TTC39C: variants seen among roughly 807,000 people sequenced by gnomAD.
The protein encoded by TTC39C is tetratricopeptide repeat protein 39C.
Under a neutral mutation model 76.3 loss-of-function variants are expected in TTC39C, and 33 were observed. The observed-to-expected ratio is 0.43, with a 90% CI of 0.33 to 0.58. TTC39C has a LOEUF of 0.58. Among genes scored for constraint, TTC39C ranks in the 20% least tolerant of loss-of-function variants. The pLI is 0.04. For missense variants in TTC39C, 595 were observed against 701.4 expected (o/e 0.85, Z 1.71); for synonymous variants, 254 against 260.6 (o/e 0.97, Z 0.24).
chr18:24,130,236 C>T (rs922899966), intron 11 of TTC39C, 77 bp from the exon 12 acceptor site: 10 of 685,330 alleles, frequency 1.5e-5, no homozygotes, highest in Non-Finnish European at 2.4e-5. Context: ...CCCTTCCCGC[C>T]CCCTCTTGAA....
At chr18:24,118,870 A>G (rs2084930385) in intron 8 of TTC39C, among the ~76,000 whole-genome samples, 1 of 152,042 alleles carries the variant, frequency 6.6e-6, no homozygotes, top group Non-Finnish European at 1.5e-5. Flanking sequence ...TGCCCAGGCT[A>G]ATCTCTAACT....
chr18:24,097,131 G>C (rs2084599149), intron 6 of TTC39C, among the ~76,000 whole-genome samples: 1 of 152,200 alleles, frequency 6.6e-6, no homozygotes, highest in African/African-American at 2.4e-5. Flanking sequence ...TGGTGAAGCT[G>C]TCCGGGGTGT....
At chr18:24,069,372 G>A (rs528638162) in intron 4 of TTC39C, 101 bp downstream of exon 4, 2 of 946,994 alleles carry the variant, frequency 2.1e-6, no homozygotes, top group African/African-American at 1.6e-5. Flanking sequence ...TTGAACACAT[G>A]TGGCACCTCT....
rs920064624 is a variant in TTC39C, at chr18:24,080,871, C to G, written c.747C>G (p.Asp249Glu). 1 of 1,614,010 alleles carries G rather than the reference C, an allele frequency of 6.2e-7. No homozygotes were observed. Among genetic ancestry groups the G allele is most frequent in the African/African-American group, 1.3e-5 (1 of 74,898 alleles). The change falls in exon 5 of 14, where the codon GAC becomes GAG. Residue 249 changes from aspartate to glutamate, a missense_variant. Transcript: ENST00000317571. The stretch of plus-strand genomic sequence containing the variant: ...TCAACCTGCTGGGTTTTCCTGGAGA[C>G]CGCCTACAGGGGCTTTCTTCACTGA... ...KIINLLGFPG[D>E]RLQGLSSLMY...
rs1031322967 is a variant in TTC39C at position 24,051,897 on chromosome 18, G to A, written c.168-12243G>A. 2.0e-5 allele frequency among the ~76,000 whole-genome samples: 3 copies of A among 152,132 alleles called. No individual in the cohort carries two copies. In the South Asian group the frequency reaches 6.2e-4, roughly 32 times the overall value. On this transcript the variant is annotated intron_variant, in intron 1 of 13. Transcript: ENST00000317571. The stretch of plus-strand genomic sequence containing the variant: ...GGTTCACTAAACAGGCATGTACTGG[G>A]GACCTGTTAAACTCCAGATTCTGTC...
At chr18:24,010,104 G>T (rs892755196), upstream of TTC39C, among the ~76,000 whole-genome samples, 1 of 152,242 alleles carries the variant, frequency 6.6e-6, no homozygotes, top group South Asian at 2.1e-4. Context: ...ATTGAACAAA[G>T]AACAATTGGA....
At position 24,067,363 on chromosome 18, in the gene TTC39C, G is replaced by C. The variant is rs141826684; in HGVS notation, c.345+1223G>C. Among the ~76,000 whole-genome samples the C allele has an allele frequency of 9.0e-3, 1,364 of 152,228 alleles. 22 individuals are homozygous for C. The highest frequency in any genetic ancestry group is 0.03 in the African/African-American group (1,240 of 41,538). The stretch of plus-strand genomic sequence containing the variant: ...CTATCCCACTTGTCTAAGACACATG[G>C]GTATTTCTGCCTCCAGTCTCACGGT... On this transcript the variant is annotated intron_variant, in intron 3 of 13. Coordinates refer to ENST00000317571, the MANE Select transcript of TTC39C (RefSeq NM_001135993.2).
At chr18:24,109,098 GGAGGCCAACACAGGAGGACTGCCT>G (rs1457100529) in intron 6 of TTC39C, among the ~76,000 whole-genome samples, 1 of 146,104 alleles carries the variant, frequency 6.8e-6, no homozygotes, top group Non-Finnish European at 1.5e-5. Flanking sequence ...CCGTACTTTG[GGAGGCCAACACAGGAGGACTGCCT>G]GAGGCCAGGA....
chr18:24,065,365 C>G (rs928291212), intron 2 of TTC39C, among the ~76,000 whole-genome samples: 3 of 152,192 alleles, frequency 2.0e-5, no homozygotes, highest in Admixed American at 2.0e-4. Flanking sequence ...GCCCATTCAT[C>G]TCAGAAACCT....
intron 1 of TTC39C, among the ~76,000 whole-genome samples, chr18:24,004,299 G>A (rs547686658): frequency 6.6e-6 from 1 of 152,296 alleles, no homozygotes; most frequent in East Asian, 1.9e-4. Flanking sequence ...ATAGACAGCA[G>A]CATTCTCATT....
intron 1 of TTC39C, among the ~76,000 whole-genome samples, chr18:24,045,929 T>TATATA (rs2083874655): frequency 2.1e-5 from 1 of 46,598 alleles, no homozygotes; most frequent in African/African-American, 1.2e-4. Context: ...ATATATATAT[T>TATATA]TTTTTTTTTT....
chr18:24,046,942 T>C (rs1375570814), intron 1 of TTC39C, among the ~76,000 whole-genome samples: 1 of 151,860 alleles, frequency 6.6e-6, no homozygotes, highest in Non-Finnish European at 1.5e-5. Flanking sequence ...CTTAATTTAA[T>C]TGACTTTTGT....
intron 1 of TTC39C, chr18:24,016,604 T>C: frequency 5.0e-6 from 2 of 398,434 alleles, no homozygotes; most frequent in Middle Eastern, 6.3e-4. Context: ...AAATACTACC[T>C]TTACATTGAA....
At chr18:24,004,359 A>G (rs568116631) in intron 1 of TTC39C, among the ~76,000 whole-genome samples, 12 of 152,130 alleles carry the variant, frequency 7.9e-5, no homozygotes, top group Non-Finnish European at 1.8e-4. Context: ...TTTTTGTCTC[A>G]GAGGAGGTGG....
chr18:24,082,839 T>G, intron 5 of TTC39C, 74 bp from the exon 6 acceptor site: 1 of 1,457,680 alleles, frequency 6.9e-7, no homozygotes, highest in South Asian at 1.4e-5. Context: ...GAAGAACACA[T>G]ACTGGAGTTT....
chr18:24,001,964 T>A (rs1260428343), intron 1 of TTC39C, among the ~76,000 whole-genome samples: 1 of 151,928 alleles, frequency 6.6e-6, no homozygotes, highest in Admixed American at 6.6e-5. Flanking sequence ...TAGCTGGGAC[T>A]ACAGGCGCCC....
Position 24,114,635 on chromosome 18 carries a change from C to T in TTC39C, c.1066C>T (p.Leu356=). 1 of 1,612,608 alleles carries T rather than the reference C, an allele frequency of 6.2e-7. No individual in the cohort carries two copies. Among genetic ancestry groups the T allele is most frequent in the Non-Finnish European group, 8.5e-7 (1 of 1,178,818 alleles). Residue 356 remains leucine, a synonymous_variant, in exon 7 of 14, where the codon CTG becomes TTG. Coordinates refer to ENST00000317571, the MANE Select transcript of TTC39C (RefSeq NM_001135993.2). The stretch of plus-strand genomic sequence containing the variant: ...CCAGAGAGAAATTCAACATGTCTGT[C>T]TGTATGAAATTGGTAAATATGAAAT... ...VDQREIQHVC[L]YEIGWCSMIE...
At chr18:24,053,758 C>T (rs189511638) in intron 1 of TTC39C, among the ~76,000 whole-genome samples, 3 of 152,276 alleles carry the variant, frequency 2.0e-5, no homozygotes, top group Admixed American at 2.0e-4. Flanking sequence ...CATCAGGTCT[C>T]CTGTGAAATT....
intron 6 of TTC39C, among the ~76,000 whole-genome samples, chr18:24,098,031 TA>T (rs1238880673): frequency 1.3e-5 from 2 of 152,172 alleles, no homozygotes; most frequent in Non-Finnish European, 2.9e-5. Context: ...ATGTCTTAAA[TA>T]AAACAAGAAT....
Sources: allele counts gnomAD v4.1 joint callset (sites outside exome capture counted in the v4.1 genomes callset), GRCh38; gene constraint gnomAD v4.1.1; transcripts MANE v1.5; gene names NCBI Gene and HGNC (gene_info 2026-07-23, HGNC 2026-07-21).